Variants in ERG observed in about 807,000 individuals in gnomAD.
ERG encodes the protein transcriptional regulator ERG.
ERG carries 9 observed loss-of-function variants against 55.3 expected under a neutral mutation model. The observed-to-expected ratio is 0.16, with a 90% CI of 0.10 to 0.28. The LOEUF is 0.28. Among genes scored for constraint, ERG ranks in the 10% least tolerant of loss-of-function variants. ERG has a pLI of 1.00. For missense variants in ERG, 434 were observed against 631.6 expected, an observed-to-expected ratio of 0.69 and a Z score of 3.35; for synonymous variants, 223 against 237.3, an observed-to-expected ratio of 0.94 and a Z score of 0.55.
chr21:38,465,797 C>T (rs1346696875), intron 1 of ERG, among the ~76,000 whole-genome samples: 1 of 152,186 alleles, frequency 6.6e-6, no homozygotes, highest in Non-Finnish European at 1.5e-5. Flanking sequence ...ACGGCCCTAA[C>T]CACTTTACTT....
Position 38,626,928 on chromosome 21 carries a change from T to A in ERG, c.-150+34730A>T, listed in dbSNP as rs138569155. Among the ~76,000 whole-genome samples, 356 of 152,276 alleles carry A rather than the reference T, an allele frequency of 2.3e-3. 1 individual carries two copies. The highest frequency in any genetic ancestry group is 8.1e-3 in the African/African-American group (335 of 41,564). ...TTTTACTTGAAAGTATAATCCCTCA[T>A]ATACAAATTTTTATAGTTTATGTAG... is the stretch of plus-strand genomic sequence containing the variant. On this transcript the variant is annotated intron_variant, in intron 1 of 10. Transcript: ENST00000398910.
chr21:38,648,633 C>T (rs564764059), intron 1 of ERG, among the ~76,000 whole-genome samples: 7 of 152,374 alleles, frequency 4.6e-5, no homozygotes, highest in Admixed American at 3.3e-4. Context: ...TCCTCCACCT[C>T]CTCCGAGGTT....
In ERG at chr21:38,525,272, C is replaced by T. The variant is rs567171785; in HGVS notation, c.-41+50390G>A. On this transcript the variant is annotated intron_variant, in intron 2 of 8. Transcript: ENST00000398897. ...TCACATCTTCCCCGCGCCCCTCCTG[C>T]CACCTCTTTTTGGCATTCACCCTCT... is the stretch of plus-strand genomic sequence containing the variant. 4.6e-4 allele frequency among the ~76,000 whole-genome samples: 70 copies of T among 152,282 alleles called. 1 individual carries two copies. The South Asian group carries it at 0.014, about 31-fold the overall frequency.
intron 1 of ERG, among the ~76,000 whole-genome samples, chr21:38,638,394 C>T (rs971543249): frequency 1.3e-5 from 2 of 152,166 alleles, no homozygotes; most frequent in Admixed American, 1.3e-4. Context: ...TACTGCACCC[C>T]GTGGTAGAAT....
intron 1 of ERG, chr21:38,584,800 C>A (rs1253885601): frequency 6.6e-6 from 1 of 152,098 alleles, no homozygotes; most frequent in Non-Finnish European, 1.5e-5. Flanking sequence ...TAAAAGGGGT[C>A]CTGACTAGGC....
intron 2 of ERG, among the ~76,000 whole-genome samples, chr21:38,424,945 T>C (rs901214165): frequency 2.0e-5 from 3 of 152,212 alleles, no homozygotes; most frequent in Non-Finnish European, 2.9e-5. Context: ...GTCACAGGGC[T>C]GCTGTTAGTA....
At chr21:38,640,584 C>T (rs2060417961) in intron 1 of ERG, among the ~76,000 whole-genome samples, 1 of 152,088 alleles carries the variant, frequency 6.6e-6, no homozygotes, top group African/African-American at 2.4e-5. Flanking sequence ...GAGGGGAAAC[C>T]CCTTTCACTT....
chr21:38,567,178 G>A (rs1288552737), intron 2 of ERG, among the ~76,000 whole-genome samples: 4 of 152,130 alleles, frequency 2.6e-5, no homozygotes, highest in Non-Finnish European at 1.5e-5. Context: ...ACTGAGCACC[G>A]CATTGGAATC....
chr21:38,604,223 C>T (rs2060183013), intron 1 of ERG, among the ~76,000 whole-genome samples: 3 of 148,700 alleles, frequency 2.0e-5, no homozygotes, highest in Admixed American at 1.3e-4. Flanking sequence ...CACTGCACTC[C>T]AGCCTGGGCG....
chr21:38,648,871 C>T (rs1810519160), intron 1 of ERG, among the ~76,000 whole-genome samples: 1 of 152,180 alleles, frequency 6.6e-6, no homozygotes, highest in Non-Finnish European at 1.5e-5. Flanking sequence ...GCAGGAGAAA[C>T]CTCACTAACG....
intron 1 of ERG, among the ~76,000 whole-genome samples, chr21:38,489,123 G>C (rs1162964883): frequency 2.6e-5 from 4 of 152,196 alleles, no homozygotes; most frequent in African/African-American, 9.7e-5. Flanking sequence ...GGAAGTATCT[G>C]TCTACAAACC....
chr21:38,610,615 A>C (rs777723489), intron 1 of ERG, among the ~76,000 whole-genome samples: 2 of 152,164 alleles, frequency 1.3e-5, no homozygotes, highest in Non-Finnish European at 2.9e-5. Flanking sequence ...GAAGCAGGGG[A>C]GATTGAACTG....
intron 2 of ERG, among the ~76,000 whole-genome samples, chr21:38,526,041 T>C (rs1005360258): frequency 2.0e-5 from 3 of 152,198 alleles, no homozygotes; most frequent in Non-Finnish European, 2.9e-5. Context: ...GACATGATAT[T>C]GTAAAGGAGG....
chr21:38,628,753 C>A (rs571305966), intron 1 of ERG, among the ~76,000 whole-genome samples: 1 of 152,336 alleles, frequency 6.6e-6, no homozygotes, highest in African/African-American at 2.4e-5. Context: ...AGAATCACAC[C>A]TTTCGTGCTC....
chr21:38,632,614 T>G (rs1377794706), intron 1 of ERG, among the ~76,000 whole-genome samples: 2 of 151,792 alleles, frequency 1.3e-5, no homozygotes, highest in African/African-American at 4.8e-5. Flanking sequence ...CTGCACATGC[T>G]CTCTCTCTCT....
In ERG at chr21:38,535,069, A is replaced by C. The variant is rs569486048; in HGVS notation, c.-41+40593T>G. Among the ~76,000 whole-genome samples, 271 of 152,238 alleles carry C rather than the reference A, an allele frequency of 1.8e-3. 3 individuals are homozygous for C. The highest frequency in any genetic ancestry group is 6.4e-3 in the African/African-American group (267 of 41,540). ...CTATCAACCCATCACCTAGGTATTAAGCCCAGTATGTATTAGCTATTTTCC... is the reference window on the plus strand; with the variant it reads ...CTATCAACCCATCACCTAGGTATTACGCCCAGTATGTATTAGCTATTTTCC... On this transcript the variant is annotated intron_variant, in intron 2 of 8. Transcript: ENST00000398897.
intron 2 of ERG, among the ~76,000 whole-genome samples, chr21:38,569,584 G>A (rs2059944745): frequency 6.6e-6 from 1 of 152,166 alleles, no homozygotes; most frequent in Non-Finnish European, 1.5e-5. Context: ...ACACAAAACA[G>A]GATATATAAT....
intron 2 of ERG, among the ~76,000 whole-genome samples, chr21:38,427,668 A>T (rs1455159820): frequency 6.6e-6 from 1 of 152,168 alleles, no homozygotes; most frequent in Non-Finnish European, 1.5e-5. Context: ...TTCAAAGGTA[A>T]CTAGATCTTC....
intron 2 of ERG, among the ~76,000 whole-genome samples, chr21:38,505,598 A>G (rs1307665180): frequency 6.6e-6 from 1 of 152,230 alleles, no homozygotes; most frequent in Non-Finnish European, 1.5e-5. Flanking sequence ...AAGGAGTACT[A>G]GAAATGTTCT....
Sources: gnomAD v4.1 joint callset for allele counts (sites outside exome capture counted in the v4.1 genomes callset) on GRCh38, gnomAD v4.1.1 for gene constraint, MANE v1.5 for transcripts, NCBI Gene and HGNC (gene_info 2026-07-23, HGNC 2026-07-21) for gene names.